ZSWIM6: variants seen among roughly 807,000 people sequenced by gnomAD.
ZSWIM6 encodes the protein zinc finger SWIM domain-containing protein 6.
ZSWIM6 carries 9 observed loss-of-function variants against 113.2 expected under a neutral mutation model. The ratio of observed to expected loss-of-function variants is 0.08; its 90% CI spans 0.05 to 0.14. The LOEUF (loss-of-function observed/expected upper bound fraction) is 0.14. Ranked by LOEUF, ZSWIM6 falls within the 10% of genes least tolerant of loss-of-function variation. ZSWIM6 has a pLI of 1.00. For missense variants in ZSWIM6, 1,162 were observed against 1,552.2 expected (o/e 0.75, Z 4.22); for synonymous variants, 611 against 606.5 (o/e 1.01, Z -0.11).
At chr5:61,372,165 C>T (rs777144634) in intron 1 of ZSWIM6, among the ~76,000 whole-genome samples, 22 of 151,846 alleles carry the variant, frequency 1.4e-4, no homozygotes, top group Non-Finnish European at 3.2e-4. Context: ...AATAATCATT[C>T]GTTTCCCTTT....
chr5:61,508,038 G>A (rs1288121631), intron 4 of ZSWIM6, among the ~76,000 whole-genome samples: 1 of 152,136 alleles, frequency 6.6e-6, no homozygotes, highest in Non-Finnish European at 1.5e-5. Flanking sequence ...TCCCTTAATA[G>A]CAGCACAATT....
At chr5:61,503,297 T>A (rs916435843) in intron 4 of ZSWIM6, among the ~76,000 whole-genome samples, 3 of 152,188 alleles carry the variant, frequency 2.0e-5, no homozygotes, top group African/African-American at 7.2e-5. Flanking sequence ...TGATACTAGT[T>A]GTCTGAAAAA....
rs116377978 is a variant in ZSWIM6 at position 61,457,360 on chromosome 5, A to G, written c.677-15321A>G. Among the ~76,000 whole-genome samples, 656 of 152,176 alleles carry G rather than the reference A, an allele frequency of 4.3e-3. 3 individuals carry two copies. Among genetic ancestry groups the G allele is most frequent in the African/African-American group, 0.014 (592 of 41,508 alleles). On this transcript the variant is annotated intron_variant, in intron 1 of 13. Transcript: ENST00000252744. ...AAATTCTGGAGCCTGAAAACTAGCC[A>G]TATATTTCAGTTCTCAGGCAGTTTT...
At chr5:61,432,394 G>A (rs1746604363) in intron 1 of ZSWIM6, among the ~76,000 whole-genome samples, 1 of 152,224 alleles carries the variant, frequency 6.6e-6, no homozygotes, top group South Asian at 2.1e-4. Context: ...TGAGCAGAGT[G>A]AGGCATTGTT....
intron 1 of ZSWIM6, among the ~76,000 whole-genome samples, chr5:61,450,691 T>C (rs1375641013): frequency 1.3e-5 from 2 of 152,170 alleles, no homozygotes; most frequent in African/African-American, 4.8e-5. Context: ...TGTTACTAAA[T>C]ACAGGACTCC....
chr5:61,341,497 C>T (rs1223807059), intron 1 of ZSWIM6, among the ~76,000 whole-genome samples: 2 of 152,116 alleles, frequency 1.3e-5, no homozygotes, highest in Non-Finnish European at 2.9e-5. Flanking sequence ...GTCAATTAGC[C>T]TATGATAAAT....
chr5:61,497,323 A>G (rs1179975341), intron 4 of ZSWIM6, among the ~76,000 whole-genome samples: 1 of 152,122 alleles, frequency 6.6e-6, no homozygotes, highest in Non-Finnish European at 1.5e-5. Context: ...TGAAAATTTA[A>G]ATGTTGATGT....
At chr5:61,532,903 C>T (rs1749478675) in intron 9 of ZSWIM6, among the ~76,000 whole-genome samples, 1 of 152,148 alleles carries the variant, frequency 6.6e-6, no homozygotes, top group South Asian at 2.1e-4. Context: ...TAAGCAATGT[C>T]ATTAGTCACA....
intron 1 of ZSWIM6, among the ~76,000 whole-genome samples, chr5:61,418,023 G>C (rs1746289745): frequency 6.6e-6 from 1 of 152,104 alleles, no homozygotes; most frequent in Non-Finnish European, 1.5e-5. Context: ...AAATTAAGTG[G>C]TTTGCAGAGG....
chr5:61,374,962 TA>T, intron 1 of ZSWIM6: 2 of 818,588 alleles, frequency 2.4e-6, no homozygotes, highest in Non-Finnish European at 3.8e-6. Flanking sequence ...AAACTAAGGC[TA>T]AAATTAATAT....
chr5:61,482,451 T>G (rs1747896999), intron 2 of ZSWIM6, among the ~76,000 whole-genome samples: 1 of 152,196 alleles, frequency 6.6e-6, no homozygotes. Context: ...TATACCTATG[T>G]GCATGTTCTG....
chr5:61,450,909 C>G (rs921025745), intron 1 of ZSWIM6, among the ~76,000 whole-genome samples: 2 of 152,132 alleles, frequency 1.3e-5, no homozygotes, highest in African/African-American at 4.8e-5. Context: ...TTAGAGCTAT[C>G]TGTAATTTTT....
intron 1 of ZSWIM6, among the ~76,000 whole-genome samples, chr5:61,414,871 T>G (rs1480788691): frequency 6.6e-6 from 1 of 152,238 alleles, no homozygotes; most frequent in Admixed American, 6.5e-5. Context: ...TTAGATGAGT[T>G]ACGATAAAAA....
chr5:61,504,448 A>G (rs1027276672), intron 4 of ZSWIM6, among the ~76,000 whole-genome samples: 17 of 152,364 alleles, frequency 1.1e-4, no homozygotes, highest in African/African-American at 4.1e-4. Flanking sequence ...TAATTCACTA[A>G]TAGAATGAAT....
At chr5:61,394,966 A>T (rs1327030217) in intron 1 of ZSWIM6, among the ~76,000 whole-genome samples, 1 of 152,176 alleles carries the variant, frequency 6.6e-6, no homozygotes, top group East Asian at 1.9e-4. Context: ...TGGGGACAGA[A>T]GACTACCATC....
chr5:61,487,466 CTG>C (rs1334501886), intron 2 of ZSWIM6, among the ~76,000 whole-genome samples: 2 of 151,958 alleles, frequency 1.3e-5, no homozygotes, highest in African/African-American at 4.8e-5. Context: ...TGCGTTGAAT[CTG>C]TAGATTGCTT....
rs397881994 is a variant in ZSWIM6, at chr5:61,431,372, C to CAAA, written c.677-41285_677-41283dup. Among the ~76,000 whole-genome samples the CAAA allele has an allele frequency of 2.5e-4, 11 of 44,518 alleles. 1 individual carries two copies. The highest frequency in any genetic ancestry group is 7.4e-4 in the African/African-American group (7 of 9,426). 29.2% of individuals were successfully genotyped at this position (44,518 alleles called of 152,430 possible). ...TGGCGACAGAGCAAGACTCCATCTC[C>CAAA]AAAAAAAAAAAAAAAAAAAAAAAAA... is the stretch of plus-strand genomic sequence containing the variant. On this transcript the variant is annotated intron_variant, in intron 1 of 13. Transcript: ENST00000252744.
At chr5:61,522,092 T>G (rs1365941416) in intron 5 of ZSWIM6, among the ~76,000 whole-genome samples, 13 of 137,606 alleles carry the variant, frequency 9.4e-5, no homozygotes, top group African/African-American at 2.9e-4. Context: ...TTTTTTTGTT[T>G]GTTTTTTTTT....
rs869288331 is a variant in ZSWIM6, at chr5:61,464,158, A to ATTTTTTTTT, written c.677-8498_677-8490dup. On this transcript the variant is annotated intron_variant, in intron 1 of 13. Transcript: ENST00000252744. ...AGGTGCATGCCAACACACCCGGCTA[A>ATTTTTTTTT]TTTTTTTTTTTTTTTTTTTTTTTTT... 2.9e-3 allele frequency among the ~76,000 whole-genome samples: 126 copies of ATTTTTTTTT among 43,524 alleles called. 1 individual carries two copies. Among genetic ancestry groups the ATTTTTTTTT allele is most frequent in the East Asian group, 5.4e-3 (8 of 1,476 alleles). The allele number at this position is 43,524 out of a possible 152,430, so 28.6% of individuals were successfully genotyped here.
Sources: gnomAD v4.1 joint callset for allele counts (sites outside exome capture counted in the v4.1 genomes callset) on GRCh38, gnomAD v4.1.1 for gene constraint, MANE v1.5 for transcripts, NCBI Gene and HGNC (gene_info 2026-07-23, HGNC 2026-07-21) for gene names.